The following SCUBE1 variants were observed in gnomAD, a reference collection of about 807,000 sequenced individuals.
SCUBE1 encodes the protein signal peptide, CUB and EGF-like domain-containing protein 1.
SCUBE1 carries 59 observed loss-of-function variants against 124.4 expected under a neutral mutation model. The observed-to-expected ratio is 0.47, with a 90% CI of 0.38 to 0.59. The LOEUF (loss-of-function observed/expected upper bound fraction) is 0.59, where lower values mean the gene tolerates loss of function less well. SCUBE1 is among the 20% of genes least tolerant of loss of function. SCUBE1 has a pLI of 0.00. For missense variants in SCUBE1, 1,150 were observed against 1,371.2 expected, an observed-to-expected ratio of 0.84 and a Z score of 2.55; for synonymous variants, 545 against 550.9, an observed-to-expected ratio of 0.99 and a Z score of 0.15.
chr22:43,273,022 C>T (rs961271255), intron 4 of SCUBE1, among the ~76,000 whole-genome samples: 1 of 152,242 alleles, frequency 6.6e-6, no homozygotes, highest in African/African-American at 2.4e-5. Context: ...GGACTGCTGC[C>T]CTTGACCTTT....
At chr22:43,205,280 G>A (rs928918732) in intron 21 of SCUBE1, among the ~76,000 whole-genome samples, 3 of 152,090 alleles carry the variant, frequency 2.0e-5, no homozygotes, top group Non-Finnish European at 2.9e-5. Context: ...GCTGTCCTCC[G>A]GAGCAGTCTC....
Position 43,223,164 on chromosome 22 carries a change from G to C in SCUBE1, c.1260C>G (p.Ser420=). Residue 420 remains serine (S), a synonymous_variant, in exon 11 of 22, where the codon TCC becomes TCG. Coordinates refer to ENST00000360835, the MANE Select transcript of SCUBE1 (RefSeq NM_173050.5). ...RAKTSPRAQL[S]CSKAGGVESC... is the part of the protein sequence containing the mutation. ...TCTCCACACCGCCTGCCTTGCTGCA[G>C]GACAGCTGGGCCCGGGGGGAGGTCT... is the stretch of plus-strand genomic sequence containing the variant. 6.4e-7 allele frequency: 1 copy of C among 1,570,364 alleles called. No individual in the cohort carries two copies. The highest frequency in any genetic ancestry group is 2.1e-5 in the Admixed American group (1 of 46,734).
intron 2 of SCUBE1, among the ~76,000 whole-genome samples, chr22:43,325,444 TAAAAAAAAA>T (rs35598383): frequency 2.0e-3 from 176 of 89,486 alleles, no homozygotes; most frequent in Middle Eastern, 7.6e-3. Context: ...ACTCCGTCTT[TAAAAAAAAA>T]AAAAAAAAAA....
At chr22:43,301,912 G>A (rs2146763913) in intron 3 of SCUBE1, among the ~76,000 whole-genome samples, 1 of 152,390 alleles carries the variant, frequency 6.6e-6, no homozygotes, top group Middle Eastern at 3.4e-3. Flanking sequence ...CCAAGGATGA[G>A]CTGCATGGCC....
At chr22:43,321,506 C>G (rs1003542160) in intron 2 of SCUBE1, among the ~76,000 whole-genome samples, 2 of 152,182 alleles carry the variant, frequency 1.3e-5, no homozygotes, top group African/African-American at 4.8e-5. Flanking sequence ...GCCAGAGATG[C>G]TGCAGAGCAA....
At chr22:43,324,799 A>G in intron 2 of SCUBE1, among the ~76,000 whole-genome samples, 1 of 151,730 alleles carries the variant, frequency 6.6e-6, no homozygotes, top group East Asian at 1.9e-4. Context: ...GGGACAGAGC[A>G]CAGCTCTATG....
chr22:43,277,944 T>C (rs900606671), intron 4 of SCUBE1, among the ~76,000 whole-genome samples: 4 of 152,272 alleles, frequency 2.6e-5, no homozygotes, highest in African/African-American at 9.6e-5. Flanking sequence ...CTCCCTGCCC[T>C]GCACCCACAA....
intron 4 of SCUBE1, among the ~76,000 whole-genome samples, chr22:43,281,587 T>TCCTGTCATCTCCCC (rs1569011199): frequency 4.6e-5 from 3 of 64,870 alleles, no homozygotes; most frequent in African/African-American, 1.8e-4. Context: ...TCACCTCCCT[T>TCCTGTCATCTCCCC]CTCAGCCACC....
chr22:43,308,814 C>T (rs561334312), intron 3 of SCUBE1, among the ~76,000 whole-genome samples: 21 of 152,382 alleles, frequency 1.4e-4, no homozygotes, highest in African/African-American at 3.6e-4. Context: ...GCCACTTGCA[C>T]ATCCATCTCC....
intron 10 of SCUBE1, among the ~76,000 whole-genome samples, chr22:43,225,446 G>C (rs2146672433): frequency 6.6e-6 from 1 of 151,794 alleles, no homozygotes; most frequent in Admixed American, 6.6e-5. Flanking sequence ...TAGGATCTTG[G>C]ATGGAAGAAA....
At chr22:43,330,947 C>G (rs981441135) in intron 2 of SCUBE1, among the ~76,000 whole-genome samples, 1 of 152,104 alleles carries the variant, frequency 6.6e-6, no homozygotes, top group African/African-American at 2.4e-5. Flanking sequence ...TTCCCCTTCT[C>G]TCCCCGCTGA....
intron 9 of SCUBE1, among the ~76,000 whole-genome samples, chr22:43,227,961 C>T (rs960457949): frequency 6.6e-6 from 1 of 152,180 alleles, no homozygotes; most frequent in Admixed American, 6.5e-5. Flanking sequence ...CAAAAGCACC[C>T]GCTGAAGCTG....
At position 43,204,164 on chromosome 22, in the gene SCUBE1, G is replaced by A; in HGVS notation, c.2815-15C>T. ...AGCTTCTTGTCCTGTAAGATAGAGT[G>A]GGTGGGAGGCAGGGGAGGCTTGGGG... On this transcript the variant is annotated splice_polypyrimidine_tract_variant and intron_variant, in intron 21 of 21. Coordinates refer to ENST00000360835, the MANE Select transcript of SCUBE1 (RefSeq NM_173050.5). 1 of 1,613,710 alleles carries A rather than the reference G, an allele frequency of 6.2e-7. No homozygotes were observed. Among genetic ancestry groups the A allele is most frequent in the South Asian group, 1.1e-5 (1 of 91,050 alleles).
intron 3 of SCUBE1, among the ~76,000 whole-genome samples, chr22:43,309,671 C>G (rs893876688): frequency 1.4e-5 from 2 of 147,724 alleles, no homozygotes; most frequent in African/African-American, 5.4e-5. Flanking sequence ...AGAACTCAGA[C>G]GAACAGACAC....
At chr22:43,246,373 C>T (rs1443704647) in intron 6 of SCUBE1, among the ~76,000 whole-genome samples, 1 of 152,146 alleles carries the variant, frequency 6.6e-6, no homozygotes, top group Admixed American at 6.5e-5. Context: ...CTGGTGAGGG[C>T]AGGCAGCTGG....
At chr22:43,281,587 T>TGGCCACCCTCCTGTCACCTCCTC (rs1569011196) in intron 4 of SCUBE1, among the ~76,000 whole-genome samples, 1 of 64,870 alleles carries the variant, frequency 1.5e-5, no homozygotes, top group African/African-American at 8.9e-5. Context: ...TCACCTCCCT[T>TGGCCACCCTCCTGTCACCTCCTC]CTCAGCCACC....
At chr22:43,329,382 C>T (rs553874850) in intron 2 of SCUBE1, among the ~76,000 whole-genome samples, 53 of 152,376 alleles carry the variant, frequency 3.5e-4, no homozygotes, top group African/African-American at 1.2e-3. Context: ...CTGCCCACAG[C>T]GAGGGTCCCA....
At chr22:43,242,848 C>G (rs532549346) in intron 6 of SCUBE1, among the ~76,000 whole-genome samples, 29 of 152,314 alleles carry the variant, frequency 1.9e-4, no homozygotes, top group African/African-American at 7.0e-4. Context: ...GTGGACAAGG[C>G]ACCTATCATC....
At chr22:43,268,508 CAG>C (rs1419582668) in intron 4 of SCUBE1, among the ~76,000 whole-genome samples, 1 of 152,376 alleles carries the variant, frequency 6.6e-6, no homozygotes, top group East Asian at 1.9e-4. Context: ...GCTACAAACT[CAG>C]ACCAAGTGTC....
Sources: allele counts gnomAD v4.1 joint callset (sites outside exome capture counted in the v4.1 genomes callset), GRCh38; gene constraint gnomAD v4.1.1; transcripts MANE v1.5; gene names NCBI Gene and HGNC (gene_info 2026-07-23, HGNC 2026-07-21).